The following THSD4 variants were observed in gnomAD, a reference collection of about 807,000 sequenced individuals.
THSD4 encodes thrombospondin type-1 domain-containing protein 4.
A neutral mutation model predicts 119.0 loss-of-function variants in THSD4; 69 were observed. That is an observed-to-expected ratio of 0.58 (90% confidence interval 0.48 to 0.71). The LOEUF (loss-of-function observed/expected upper bound fraction) is 0.71. Ranked by LOEUF, THSD4 falls within the 30% of genes least tolerant of loss-of-function variation. The pLI is 0.00. For missense variants in THSD4, 1,393 were observed against 1,391.1 expected, an observed-to-expected ratio of 1.00 and a Z score of -0.02; for synonymous variants, 524 against 540.4, an observed-to-expected ratio of 0.97 and a Z score of 0.42.
At chr15:71,413,442 T>G (rs1174521169) in intron 7 of THSD4, among the ~76,000 whole-genome samples, 1 of 152,232 alleles carries the variant, frequency 6.6e-6, no homozygotes, top group Non-Finnish European at 1.5e-5. Flanking sequence ...CCTCACTTTA[T>G]AATCCCATCC....
chr15:71,308,568 A>G lies in THSD4; in HGVS notation c.1015+51853A>G, dbSNP rs2045066444. ...ACATTGTGCAGTTCAGTGGCCTTCC[A>G]TGTGTTCATGTGGATCAGTTCTTCC... On this transcript the variant is annotated intron_variant, in intron 6 of 17. Transcript: ENST00000261862. 3.9e-5 allele frequency among the ~76,000 whole-genome samples: 6 copies of G among 152,172 alleles called. No individual in the cohort carries two copies. In the South Asian group the frequency reaches 1.2e-3, roughly 32 times the overall value.
chr15:71,713,123 A>G (rs976332367), intron 8 of THSD4, among the ~76,000 whole-genome samples: 2 of 152,238 alleles, frequency 1.3e-5, no homozygotes, highest in Admixed American at 6.5e-5. Context: ...CTTTTGGGTA[A>G]TGGTAGAAAA....
chr15:71,346,702 T>G (rs2045665616), intron 6 of THSD4, among the ~76,000 whole-genome samples: 1 of 152,152 alleles, frequency 6.6e-6, no homozygotes, highest in Non-Finnish European at 1.5e-5. Flanking sequence ...TCTTGTGGTG[T>G]TGCTGCTCCT....
Position 71,490,482 on chromosome 15 carries a change from C to G in THSD4, c.1152+78659C>G, listed in dbSNP as rs553790607. On this transcript the variant is annotated intron_variant, in intron 7 of 17. Coordinates refer to ENST00000261862, the MANE Select transcript of THSD4 (RefSeq NM_024817.3). ...GGCTGAGGCAGGAGAATGGCGTGAA[C>G]CCAGGAGGCAGAGCTTGCAGTGAGC... 1.3e-3 allele frequency among the ~76,000 whole-genome samples: 194 copies of G among 150,622 alleles called. 1 individual carries two copies. Among genetic ancestry groups the G allele is most frequent in the African/African-American group, 4.4e-3 (180 of 40,760 alleles).
chr15:71,526,764 C>A (rs900637942), intron 7 of THSD4, among the ~76,000 whole-genome samples: 3 of 152,186 alleles, frequency 2.0e-5, no homozygotes, highest in Non-Finnish European at 2.9e-5. Flanking sequence ...CACAGGTATT[C>A]TGCCAAATTT....
rs2053384560 is a variant in THSD4, at chr15:71,748,554, C to T, written c.2375C>T (p.Pro792Leu). ...PNDIENCDMG[P>L]CAKSWFLTEW... Reference sequence around the variant, plus strand: ...GACATTGAGAACTGCGACATGGGACCCTGTGCCAAGAGCTGGTTCCTCACC... The same window carrying T: ...GACATTGAGAACTGCGACATGGGACTCTGTGCCAAGAGCTGGTTCCTCACC... The change falls in exon 14 of 18, where the codon CCC becomes CTC. Residue 792 changes from proline to leucine, a missense_variant. Transcript: ENST00000261862. 6.2e-7 allele frequency: 1 copy of T among 1,614,164 alleles called. No homozygotes were observed.
intron 6 of THSD4, among the ~76,000 whole-genome samples, chr15:71,307,978 C>G (rs1214479275): frequency 6.6e-6 from 1 of 152,118 alleles, no homozygotes; most frequent in Non-Finnish European, 1.5e-5. Context: ...GCTTCCCCAC[C>G]AGGGAAGCAT....
intron 8 of THSD4, among the ~76,000 whole-genome samples, chr15:71,693,476 G>A (rs1441988375): frequency 6.6e-6 from 1 of 152,136 alleles, no homozygotes; most frequent in African/African-American, 2.4e-5. Flanking sequence ...ATGAAACCTG[G>A]TCTGTACAAA....
At chr15:71,278,754 T>A (rs1253973370) in intron 6 of THSD4, among the ~76,000 whole-genome samples, 3 of 152,142 alleles carry the variant, frequency 2.0e-5, no homozygotes, top group African/African-American at 7.2e-5. Context: ...TAAGAAACGC[T>A]AGGCAGACAA....
At chr15:71,519,292 AT>A (rs2048405192) in intron 7 of THSD4, among the ~76,000 whole-genome samples, 1 of 152,160 alleles carries the variant, frequency 6.6e-6, no homozygotes, top group Non-Finnish European at 1.5e-5. Flanking sequence ...CAGGCTTTGG[AT>A]TTTGCTCCAA....
At chr15:71,366,791 C>T (rs2045971112) in intron 6 of THSD4, among the ~76,000 whole-genome samples, 1 of 152,214 alleles carries the variant, frequency 6.6e-6, no homozygotes, top group African/African-American at 2.4e-5. Context: ...TACCACTGGA[C>T]ACCCAATCTT....
At chr15:71,336,084 G>A (rs1469826152) in intron 6 of THSD4, among the ~76,000 whole-genome samples, 1 of 152,228 alleles carries the variant, frequency 6.6e-6, no homozygotes, top group Non-Finnish European at 1.5e-5. Context: ...AGGAAATAAA[G>A]TGATGGAGGC....
chr15:71,705,556 C>T (rs2052378085), intron 8 of THSD4, among the ~76,000 whole-genome samples: 1 of 152,080 alleles, frequency 6.6e-6, no homozygotes, highest in Non-Finnish European at 1.5e-5. Flanking sequence ...TTTTAGAGCC[C>T]CTTATAGACC....
rs1285182728 is a variant in THSD4 at position 71,783,113 on chromosome 15, A to G, written c.*5739A>G. The G allele has an allele frequency of 1.3e-5, 2 of 152,246 alleles. No individual in the cohort carries two copies. Among genetic ancestry groups the G allele is most frequent in the African/African-American group, 4.8e-5 (2 of 41,466 alleles). 9.4% of individuals were successfully genotyped at this position (152,246 alleles called of 1,614,324 possible). On this transcript the variant is annotated 3_prime_UTR_variant, in exon 18 of 18. Transcript: ENST00000261862. ...ACCCACTAAATACTCCGTCACCTCCATGTCCCCTCTACAGTGTTAAATTAT... is the reference window on the plus strand; with the variant it reads ...ACCCACTAAATACTCCGTCACCTCCGTGTCCCCTCTACAGTGTTAAATTAT...
chr15:71,493,141 G>GGTTGGTATAAAAGCATGAATGCTAAGC (rs879635025), intron 7 of THSD4, among the ~76,000 whole-genome samples: 1 of 152,184 alleles, frequency 6.6e-6, no homozygotes, highest in African/African-American at 2.4e-5. Context: ...ACTTTAGTAA[G>GGTTGGTATAAAAGCATGAATGCTAAGC]GTTGGTATAA....
intron 7 of THSD4, among the ~76,000 whole-genome samples, chr15:71,485,012 T>C (rs893837172): frequency 2.0e-5 from 3 of 152,214 alleles, no homozygotes; most frequent in African/African-American, 7.2e-5. Context: ...CCATTTTGTG[T>C]CTTCAAATAC....
At chr15:71,540,256 G>C (rs1162471439) in intron 7 of THSD4, among the ~76,000 whole-genome samples, 1 of 149,178 alleles carries the variant, frequency 6.7e-6, no homozygotes, top group Non-Finnish European at 1.5e-5. Context: ...TCCTGCCTCA[G>C]CCTCCCGAGT....
rs1424670377 is a variant in THSD4 at position 71,442,598 on chromosome 15, A to ATGTG, written c.1152+30776_1152+30777insGTGT. The stretch of plus-strand genomic sequence containing the variant: ...AAAAAAAATATATATATATATATAT[A>ATGTG]TATGTGTGTGTGTGTGTGTGTATAT... On this transcript the variant is annotated intron_variant, in intron 7 of 17. Transcript: ENST00000261862. 9.8e-4 allele frequency among the ~76,000 whole-genome samples: 36 copies of ATGTG among 36,650 alleles called. 9 individuals carry two copies. The highest frequency in any genetic ancestry group is 2.3e-3 in the African/African-American group (33 of 14,522). 24.0% of individuals were successfully genotyped at this position (36,650 alleles called of 152,430 possible).
chr15:71,391,027 T>C (rs1596393795), intron 6 of THSD4, among the ~76,000 whole-genome samples: 2 of 43,814 alleles, frequency 4.6e-5, no homozygotes, highest in African/African-American at 1.9e-4. Context: ...TGCCGGCTAA[T>C]TTTTTTTTTT....
Sources: allele counts gnomAD v4.1 joint callset (sites outside exome capture counted in the v4.1 genomes callset), GRCh38; gene constraint gnomAD v4.1.1; transcripts MANE v1.5; gene names NCBI Gene and HGNC (gene_info 2026-07-23, HGNC 2026-07-21).